Variants in EEA1 observed in about 807,000 individuals in gnomAD.
EEA1 encodes early endosome antigen 1.
A neutral mutation model predicts 209.2 loss-of-function variants in EEA1; 111 were observed. The observed-to-expected ratio is 0.53, with a 90% CI of 0.45 to 0.62. The LOEUF is 0.62. Ranked by LOEUF, EEA1 falls within the 20% of genes least tolerant of loss-of-function variation. EEA1 has a pLI of 0.00. For synonymous variants in EEA1, 536 were observed against 540.6 expected, an observed-to-expected ratio of 0.99 and a Z score of 0.12; for missense variants, 1,343 against 1,530.8, an observed-to-expected ratio of 0.88 and a Z score of 2.05.
intron 21 of EEA1, among the ~76,000 whole-genome samples, chr12:92,794,284 A>C (rs920016302): frequency 1.8e-4 from 27 of 152,224 alleles, no homozygotes; most frequent in African/African-American, 6.5e-4. Flanking sequence ...TGTTGGTGGG[A>C]GTGTAAATTA....
Position 92,787,971 on chromosome 12 carries a change from C to T in EEA1, c.3046G>A (p.Val1016Ile), listed in dbSNP as rs1319961828. ...ELAAEKEKIS[V>I]LQNNYEKSQE... ...CTTTTTTCATAGTTGTTTTGTAATA[C>T]TGATATTTTCTCTTTCTCTGCTGCA... Residue 1016 changes from valine to isoleucine, a missense_variant, in exon 22 of 29, where the codon GTA (valine) becomes ATA (isoleucine). Physicochemically the swap from Val to Ile is conservative, Grantham distance 29. This residue lies in a region of EEA1 where 1,307 missense variants were observed against 1,465.5 expected (regional missense o/e 0.89). Transcript: ENST00000322349. The T allele has an allele frequency of 1.2e-6, 2 of 1,613,032 alleles. No individual in the cohort carries two copies. Among genetic ancestry groups the T allele is most frequent in the Middle Eastern group, 1.7e-4 (1 of 6,040 alleles).
chr12:92,819,930 G>A (rs1875968299), intron 13 of EEA1, among the ~76,000 whole-genome samples: 1 of 152,200 alleles, frequency 6.6e-6, no homozygotes, highest in South Asian at 2.1e-4. Context: ...TCAACTGTTT[G>A]TTCAAACATC....
chr12:92,896,955 G>A (rs1034301015), intron 1 of EEA1, among the ~76,000 whole-genome samples: 6 of 151,770 alleles, frequency 4.0e-5, no homozygotes, highest in Admixed American at 6.6e-5. Context: ...AAGGAGGATC[G>A]CTTGAGGCTA....
chr12:92,776,732 T>C, intron 28 of EEA1, 112 bp downstream of exon 28: 2 of 1,004,498 alleles, frequency 2.0e-6, no homozygotes, highest in Non-Finnish European at 3.0e-6. Flanking sequence ...TAAAGTTTAC[T>C]GATAAACAGA....
chr12:92,868,412 C>G (rs1878494885), intron 2 of EEA1, among the ~76,000 whole-genome samples: 1 of 152,148 alleles, frequency 6.6e-6, no homozygotes, highest in African/African-American at 2.4e-5. Flanking sequence ...AACTAGAAAG[C>G]AAATGAAAAA....
In EEA1 at chr12:92,801,583, CAA is replaced by C; in HGVS notation, c.2772+15_2772+16del. Reference sequence around the variant, plus strand: ...ACTATACTTTACAGATTTTATGTTACAAAAAAAAAATCTTACCTCCTTCTCTT... The same window carrying C: ...ACTATACTTTACAGATTTTATGTTACAAAAAAAATCTTACCTCCTTCTCTT... On this transcript the variant is annotated intron_variant, in intron 20 of 28. Coordinates refer to ENST00000322349, the MANE Select transcript of EEA1 (RefSeq NM_003566.4). 2.1e-6 allele frequency: 3 copies of C among 1,398,740 alleles called. No homozygotes were observed. Among genetic ancestry groups the C allele is most frequent in the Admixed American group, 2.2e-5 (1 of 46,088 alleles). The allele number at this position is 1,398,740 out of a possible 1,614,324, so 86.6% of individuals were successfully genotyped here.
At chr12:92,893,635 T>C (rs548171534) in intron 1 of EEA1, among the ~76,000 whole-genome samples, 1 of 152,216 alleles carries the variant, frequency 6.6e-6, no homozygotes, top group Non-Finnish European at 1.5e-5. Flanking sequence ...AAATTATATA[T>C]AAAAACTACT....
At chr12:92,845,320 C>T (rs142906431) in intron 9 of EEA1, among the ~76,000 whole-genome samples, 124 of 152,148 alleles carry the variant, frequency 8.1e-4, no homozygotes, top group African/African-American at 2.8e-3. Flanking sequence ...TTTTCTATTG[C>T]ACATTATGAA....
At chr12:92,817,059 T>C (rs1875827717) in intron 14 of EEA1, among the ~76,000 whole-genome samples, 1 of 151,236 alleles carries the variant, frequency 6.6e-6, no homozygotes, top group Admixed American at 6.6e-5. Context: ...TTCATTTGCA[T>C]CCATTGAAAT....
At chr12:92,894,506 C>T (rs922128781) in intron 1 of EEA1, among the ~76,000 whole-genome samples, 1 of 152,014 alleles carries the variant, frequency 6.6e-6, no homozygotes, top group Non-Finnish European at 1.5e-5. Flanking sequence ...AAAAGTGCTA[C>T]TCCAGTGAAC....
At chr12:92,783,683 A>C (rs918343315) in intron 22 of EEA1, among the ~76,000 whole-genome samples, 4 of 152,126 alleles carry the variant, frequency 2.6e-5, no homozygotes, top group Admixed American at 6.6e-5. Flanking sequence ...ATGACACTTC[A>C]GTTGGGGATA....
intron 11 of EEA1, among the ~76,000 whole-genome samples, chr12:92,829,555 G>A (rs1439896483): frequency 6.6e-6 from 1 of 151,976 alleles, no homozygotes; most frequent in Non-Finnish European, 1.5e-5. Flanking sequence ...GAGGAGGGTG[G>A]ACTGTCTGAG....
At chr12:92,883,232 C>T (rs1030152103) in intron 2 of EEA1, among the ~76,000 whole-genome samples, 1 of 152,094 alleles carries the variant, frequency 6.6e-6, no homozygotes, top group Admixed American at 6.5e-5. Flanking sequence ...CTGTTCGTGT[C>T]TTTTGACCAT....
chr12:92,877,939 G>GCCTCCAGCAGAAGCTGGAAGCAGGCATT (rs1264526990), intron 2 of EEA1, among the ~76,000 whole-genome samples: 12 of 152,298 alleles, frequency 7.9e-5, no homozygotes, highest in Admixed American at 7.8e-4. Flanking sequence ...GGGAAGCATA[G>GCCTCCAGCAGAAGCTGGAAGCAGGCATT]CCTCCAGCAG....
chr12:92,886,765 G>A (rs770036553), intron 2 of EEA1, among the ~76,000 whole-genome samples: 8 of 152,040 alleles, frequency 5.3e-5, no homozygotes, highest in South Asian at 2.1e-4. Flanking sequence ...TTGGGAGGCC[G>A]AAGCGGGCGG....
intron 16 of EEA1, among the ~76,000 whole-genome samples, chr12:92,811,965 T>A (rs1875537927): frequency 6.6e-6 from 1 of 152,150 alleles, no homozygotes; most frequent in Admixed American, 6.5e-5. Flanking sequence ...GGGCTTTTCA[T>A]AAAGGGTAAA....
chr12:92,889,832 C>T (rs772526113), intron 2 of EEA1, among the ~76,000 whole-genome samples: 34 of 152,188 alleles, frequency 2.2e-4, no homozygotes, highest in Non-Finnish European at 2.8e-4. Context: ...GAGAATCATT[C>T]GAACCTGGGA....
chr12:92,864,230 T>C (rs1157500372), intron 3 of EEA1, among the ~76,000 whole-genome samples: 2 of 152,182 alleles, frequency 1.3e-5, no homozygotes, highest in African/African-American at 2.4e-5. Context: ...CCAGTAAGTT[T>C]TTTTTTAGGA....
chr12:92,826,728 AAAAG>A (rs1212508335), intron 12 of EEA1, among the ~76,000 whole-genome samples: 10 of 86,012 alleles, frequency 1.2e-4, no homozygotes, highest in Non-Finnish European at 1.6e-4. Context: ...AAAAAAAAAA[AAAAG>A]AAAAGAAAAA....
Sources: allele counts gnomAD v4.1 joint callset (sites outside exome capture counted in the v4.1 genomes callset), GRCh38; gene constraint gnomAD v4.1.1; regional missense constraint gnomAD v4.1.1; transcripts MANE v1.5; gene names NCBI Gene and HGNC (gene_info 2026-07-23, HGNC 2026-07-21).